The following ANKS1B variants were observed in gnomAD, a reference collection of about 807,000 sequenced individuals.
The protein encoded by ANKS1B is ankyrin repeat and sterile alpha motif domain containing 1B.
Under a neutral mutation model 148.3 loss-of-function variants are expected in ANKS1B, and 36 were observed. That is an observed-to-expected ratio of 0.24 (90% confidence interval 0.19 to 0.32). ANKS1B has a LOEUF of 0.32. Among genes scored for constraint, ANKS1B ranks in the 10% least tolerant of loss-of-function variants. ANKS1B has a pLI of 1.00. For synonymous variants in ANKS1B, 542 were observed against 560.8 expected (o/e 0.97, Z 0.47); for missense variants, 1,157 against 1,542.6 (o/e 0.75, Z 4.19).
In ANKS1B at chr12:99,268,520, G is replaced by A. The variant is rs1602243374; in HGVS notation, c.1757-21656C>T. ...TATGTCACCTTGGCCTCTTCTATGA[G>A]GGCCACAACACAGAGTTCACCCCTT... On this transcript the variant is annotated intron_variant, in intron 12 of 26. Transcript: ENST00000683438. Among the ~76,000 whole-genome samples the A allele has an allele frequency of 3.3e-5, 5 of 152,234 alleles. No individual in the cohort carries two copies. The South Asian group carries it at 1.0e-3, about 32-fold the overall frequency.
chr12:99,369,445 G>A (rs2092961730), intron 12 of ANKS1B, among the ~76,000 whole-genome samples: 2 of 152,242 alleles, frequency 1.3e-5, no homozygotes, highest in Non-Finnish European at 2.9e-5. Flanking sequence ...CTTGAGTGAT[G>A]TAACAATCAA....
chr12:98,768,405 C>A (rs1235653565), intron 25 of ANKS1B, among the ~76,000 whole-genome samples: 1 of 143,944 alleles, frequency 6.9e-6, no homozygotes, highest in Non-Finnish European at 1.5e-5. Context: ...CTGCAGAAGG[C>A]CACCCCTGTG....
chr12:99,052,075 AT>A (rs1246574027), intron 17 of ANKS1B, among the ~76,000 whole-genome samples: 1 of 152,238 alleles, frequency 6.6e-6, no homozygotes, highest in Admixed American at 6.5e-5. Flanking sequence ...GTGATTTCTC[AT>A]TGTTACTGTT....
At chr12:99,910,307 A>G (rs1236737805) in intron 1 of ANKS1B, among the ~76,000 whole-genome samples, 1 of 139,888 alleles carries the variant, frequency 7.1e-6, no homozygotes, top group Non-Finnish European at 1.5e-5. Context: ...GTGAGCCGAG[A>G]TCGCACCACT....
chr12:99,862,320 G>A (rs1008887776), intron 1 of ANKS1B, among the ~76,000 whole-genome samples: 3 of 152,058 alleles, frequency 2.0e-5, no homozygotes, highest in Non-Finnish European at 4.4e-5. Context: ...ATTTCAGAGT[G>A]GAAAAACATC....
chr12:99,499,759 G>A (rs1334159453), intron 10 of ANKS1B, among the ~76,000 whole-genome samples: 2 of 152,110 alleles, frequency 1.3e-5, no homozygotes, highest in South Asian at 2.1e-4. Flanking sequence ...TCCCTGCCAA[G>A]CCCTCCCCAA....
intron 14 of ANKS1B, among the ~76,000 whole-genome samples, chr12:99,230,927 G>A (rs552830145): frequency 4.2e-4 from 64 of 152,210 alleles, no homozygotes; most frequent in South Asian, 6.2e-4. Context: ...GTGTGCTAAT[G>A]TATTCTACTA....
At chr12:99,724,225 T>G (rs2058391203) in intron 8 of ANKS1B, among the ~76,000 whole-genome samples, 1 of 152,152 alleles carries the variant, frequency 6.6e-6, no homozygotes, top group East Asian at 1.9e-4. Flanking sequence ...AGGATCATGT[T>G]CTAACCCAAT....
intron 10 of ANKS1B, among the ~76,000 whole-genome samples, chr12:99,503,215 G>A (rs895498211): frequency 6.6e-6 from 1 of 152,196 alleles, no homozygotes; most frequent in African/African-American, 2.4e-5. Flanking sequence ...ATGAGGTAGT[G>A]TCTGTAATAG....
At chr12:99,164,077 C>T (rs1001832536) in intron 14 of ANKS1B, among the ~76,000 whole-genome samples, 9 of 152,104 alleles carry the variant, frequency 5.9e-5, no homozygotes, top group Non-Finnish European at 1.2e-4. Flanking sequence ...TTTGTTAAAA[C>T]GTCTGTTCAT....
At chr12:98,769,024 G>A (rs2098529460) in intron 25 of ANKS1B, among the ~76,000 whole-genome samples, 1 of 152,118 alleles carries the variant, frequency 6.6e-6, no homozygotes, top group Non-Finnish European at 1.5e-5. Context: ...CATGGGATAT[G>A]TGATAACAGT....
At chr12:99,460,898 C>T (rs2095950363) in intron 10 of ANKS1B, among the ~76,000 whole-genome samples, 1 of 151,952 alleles carries the variant, frequency 6.6e-6, no homozygotes, top group Admixed American at 6.6e-5. Flanking sequence ...TCCTGGGTAC[C>T]TACCCAGAGG....
Position 98,744,741 on chromosome 12 carries a change from CA to C in ANKS1B, c.*997del, listed in dbSNP as rs2097845828. 4.1e-6 allele frequency: 4 copies of C among 980,424 alleles called. No homozygotes were observed. The African/African-American group carries it at 5.3e-5, about 13-fold the overall frequency. The allele number at this position is 980,424 out of a possible 1,614,324, so 60.7% of individuals were successfully genotyped here. ...AATTTTTGCAATAGAATTTTATTAACACCTTTCTCAAACAAGGTTTCCATGA... is the reference window on the plus strand; with the variant it reads ...AATTTTTGCAATAGAATTTTATTAACCCTTTCTCAAACAAGGTTTCCATGA... On this transcript the variant is annotated 3_prime_UTR_variant, in exon 27 of 27. Transcript: ENST00000683438.
chr12:99,211,078 A>C (rs566147142), intron 14 of ANKS1B, among the ~76,000 whole-genome samples: 1 of 152,234 alleles, frequency 6.6e-6, no homozygotes, highest in African/African-American at 2.4e-5. Context: ...CATGATTATG[A>C]GGACACTATA....
chr12:99,961,648 T>C (rs774680803), intron 1 of ANKS1B, among the ~76,000 whole-genome samples: 4 of 152,208 alleles, frequency 2.6e-5, no homozygotes, highest in Non-Finnish European at 5.9e-5. Context: ...AGGAAGGATA[T>C]ATTAAACATG....
intron 8 of ANKS1B, among the ~76,000 whole-genome samples, chr12:99,660,451 C>A (rs191834198): frequency 6.6e-6 from 1 of 150,628 alleles, no homozygotes; most frequent in East Asian, 2.0e-4. Context: ...GCAGCCTCCA[C>A]CTCCCAGGTT....
intron 2 of ANKS1B, among the ~76,000 whole-genome samples, chr12:99,820,920 A>G (rs1054040382): frequency 5.9e-5 from 9 of 151,960 alleles, no homozygotes; most frequent in African/African-American, 2.2e-4. Context: ...AAGTCACTTA[A>G]CTAAATGGGC....
chr12:99,268,620 T>G (rs1321303285), intron 12 of ANKS1B, among the ~76,000 whole-genome samples: 2 of 152,188 alleles, frequency 1.3e-5, no homozygotes, highest in African/African-American at 2.4e-5. Context: ...GTAATGGGCA[T>G]AAAATGACCC....
At chr12:99,683,856 A>C (rs1252572907) in intron 8 of ANKS1B, among the ~76,000 whole-genome samples, 1 of 152,150 alleles carries the variant, frequency 6.6e-6, no homozygotes, top group Non-Finnish European at 1.5e-5. Context: ...TATAAACAGA[A>C]TTAAAAACAT....
Sources: allele counts gnomAD v4.1 joint callset (sites outside exome capture counted in the v4.1 genomes callset), GRCh38; gene constraint gnomAD v4.1.1; transcripts MANE v1.5; gene names NCBI Gene and HGNC (gene_info 2026-07-23, HGNC 2026-07-21).